TMED3: variants seen among roughly 807,000 people sequenced by gnomAD.
TMED3 encodes the protein transmembrane emp24 domain-containing protein 3.
TMED3 carries 9 observed loss-of-function variants against 15.0 expected under a neutral mutation model. The observed-to-expected ratio is 0.60, with a 90% CI of 0.36 to 1.04. The LOEUF is 1.04. TMED3 is among the 50% of genes least tolerant of loss of function. The pLI, the probability that TMED3 is intolerant of heterozygous loss-of-function variation, is 0.01. For synonymous variants in TMED3, 117 were observed against 121.4 expected (o/e 0.96, Z 0.24); for missense variants, 267 against 278.9 (o/e 0.96, Z 0.30).
At chr15:79,384,929 G>A (rs190079573) in intron 2 of TMED3, among the ~76,000 whole-genome samples, 100 of 152,250 alleles carry the variant, frequency 6.6e-4, no homozygotes, top group Middle Eastern at 3.4e-3. Context: ...TCACGGAGAG[G>A]AATGAAAGGC....
intron 2 of TMED3, among the ~76,000 whole-genome samples, chr15:79,380,690 G>A (rs188319114): frequency 1.3e-5 from 2 of 151,350 alleles, no homozygotes; most frequent in East Asian, 3.9e-4. Flanking sequence ...GCAATATTTG[G>A]GGGATGGAAG....
chr15:79,343,029 T>TCAGCTAGGA (rs2058857025), intron 2 of TMED3, among the ~76,000 whole-genome samples: 1 of 152,144 alleles, frequency 6.6e-6, no homozygotes, highest in African/African-American at 2.4e-5. Context: ...AGGGGACATT[T>TCAGCTAGGA]CAGCTAGGAG....
rs1012348670 is a variant in TMED3, at chr15:79,311,787, C to T, written c.168+370C>T. 2.3e-3 allele frequency among the ~76,000 whole-genome samples: 352 copies of T among 152,100 alleles called. 1 individual carries two copies. The highest frequency in any genetic ancestry group is 1.3e-3 in the Non-Finnish European group (89 of 68,030). ...GGCTCTCTAACCCCAGTCTCTTAGA[C>T]CACCTTGTGCCTTCGAGTACTGAAA... On this transcript the variant is annotated intron_variant, in intron 1 of 2. Coordinates refer to ENST00000299705, the MANE Select transcript of TMED3 (RefSeq NM_007364.4).
chr15:79,311,569 C>A, intron 1 of TMED3, 152 bp downstream of exon 1: 1 of 977,304 alleles, frequency 1.0e-6, no homozygotes, highest in Non-Finnish European at 1.5e-6. Context: ...GTTGACTTCC[C>A]CGTGAGGAGG....
chr15:79,363,450 A>T (rs570009885), intron 2 of TMED3, among the ~76,000 whole-genome samples: 70 of 150,726 alleles, frequency 4.6e-4, no homozygotes, highest in African/African-American at 1.7e-3. Flanking sequence ...ATATTTAAGG[A>T]ATGCTTATAA....
chr15:79,326,201 G>C (rs995990439), downstream of TMED3, among the ~76,000 whole-genome samples: 1 of 152,150 alleles, frequency 6.6e-6, no homozygotes, highest in Non-Finnish European at 1.5e-5. Context: ...AAAACAGCTC[G>C]AAGACACTGA....
exon 3 of TMED3, chr15:79,411,627 C>A: frequency 1.6e-6 from 1 of 635,728 alleles, no homozygotes; most frequent in South Asian, 1.7e-5. Flanking sequence ...TCCCCAGTGA[C>A]TCCAGGGGAA....
intron 2 of TMED3, among the ~76,000 whole-genome samples, chr15:79,331,859 C>A (rs1229336297): frequency 6.6e-6 from 1 of 152,190 alleles, no homozygotes; most frequent in Admixed American, 6.5e-5. Flanking sequence ...GGTATCATCT[C>A]ACCCCAGTTA....
chr15:79,370,060 G>T (rs1222235718), intron 2 of TMED3, among the ~76,000 whole-genome samples: 1 of 152,184 alleles, frequency 6.6e-6, no homozygotes, highest in African/African-American at 2.4e-5. Flanking sequence ...GCCCTGTAGG[G>T]AATGTCTGGT....
chr15:79,364,125 C>G lies in TMED3; in HGVS notation c.418-47275C>G, dbSNP rs767826192. On this transcript the variant is annotated intron_variant, in intron 2 of 2. Coordinates refer to the TMED3 transcript ENST00000424155. ...GAAAGCTCTCAGCAAAGAGAGGGGT[C>G]CTGAAAAGCAGGTTGCCGGTTGGCC... Among the ~76,000 whole-genome samples the G allele has an allele frequency of 8.4e-4, 128 of 152,104 alleles. 1 individual carries two copies. The highest frequency in any genetic ancestry group is 2.1e-4 in the Non-Finnish European group (14 of 68,016).
At chr15:79,316,646 A>G (rs2058741591) in intron 2 of TMED3, among the ~76,000 whole-genome samples, 1 of 152,082 alleles carries the variant, frequency 6.6e-6, no homozygotes, top group Non-Finnish European at 1.5e-5. Flanking sequence ...GAGGAAAGGG[A>G]TGGTGCCAGA....
intron 2 of TMED3, among the ~76,000 whole-genome samples, chr15:79,402,211 C>G (rs370842288): frequency 6.6e-6 from 1 of 152,194 alleles, no homozygotes; most frequent in Middle Eastern, 3.4e-3. Flanking sequence ...GAGAATGTGC[C>G]CCATAGATGT....
intron 2 of TMED3, among the ~76,000 whole-genome samples, chr15:79,346,102 G>A (rs1443821415): frequency 6.6e-6 from 1 of 151,918 alleles, no homozygotes; most frequent in Non-Finnish European, 1.5e-5. Flanking sequence ...TCTGTAGGTT[G>A]GCTCTTCACT....
intron 2 of TMED3, among the ~76,000 whole-genome samples, chr15:79,391,102 G>A (rs527248748): frequency 6.7e-6 from 1 of 150,174 alleles, no homozygotes; most frequent in Non-Finnish European, 1.5e-5. Flanking sequence ...CTCTGATCCT[G>A]GTTATTTCCT....
chr15:79,366,973 G>A (rs980071638), intron 2 of TMED3, among the ~76,000 whole-genome samples: 14 of 152,132 alleles, frequency 9.2e-5, no homozygotes, highest in African/African-American at 3.4e-4. Flanking sequence ...CAGTTGCAGA[G>A]AATAATGATG....
chr15:79,387,753 T>G (rs1435624981), intron 2 of TMED3, among the ~76,000 whole-genome samples: 3 of 152,176 alleles, frequency 2.0e-5, no homozygotes, highest in Non-Finnish European at 4.4e-5. Flanking sequence ...TACCTGAGTC[T>G]TCTTTCAGTT....
intron 2 of TMED3, among the ~76,000 whole-genome samples, chr15:79,405,198 C>T (rs1487824266): frequency 6.6e-6 from 1 of 152,184 alleles, no homozygotes; most frequent in Non-Finnish European, 1.5e-5. Context: ...AAGATACTCT[C>T]AAATGGCAAG....
In TMED3 at chr15:79,373,183, A is replaced by G. The variant is rs2068092; in HGVS notation, c.418-38217A>G. 1.5e-3 allele frequency among the ~76,000 whole-genome samples: 236 copies of G among 152,352 alleles called. 3 individuals are homozygous for G. Among genetic ancestry groups the G allele is most frequent in the African/African-American group, 5.1e-3 (214 of 41,590 alleles). On this transcript the variant is annotated intron_variant, in intron 2 of 2. Coordinates refer to the TMED3 transcript ENST00000424155. ...TGGTGTTTTATAAACACCACTAATCATGCAGATAAGACCAGTCATAGGCTG... is the reference window on the plus strand; with the variant it reads ...TGGTGTTTTATAAACACCACTAATCGTGCAGATAAGACCAGTCATAGGCTG...
intron 2 of TMED3, among the ~76,000 whole-genome samples, chr15:79,394,582 G>GT (rs1893738877): frequency 6.6e-6 from 1 of 152,214 alleles, no homozygotes; most frequent in Non-Finnish European, 1.5e-5. Context: ...CATGAAATGG[G>GT]TTTTCCCCAC....
Sources: allele counts gnomAD v4.1 joint callset (sites outside exome capture counted in the v4.1 genomes callset), GRCh38; gene constraint gnomAD v4.1.1; transcripts MANE v1.5; gene names NCBI Gene and HGNC (gene_info 2026-07-23, HGNC 2026-07-21).